The following LZTFL1 variants were observed in gnomAD, a reference collection of about 807,000 sequenced individuals.
The protein encoded by LZTFL1 is leucine zipper transcription factor-like protein 1.
In LZTFL1, 25 loss-of-function variants were observed where a neutral mutation model predicts 45.9. The ratio of observed to expected loss-of-function variants is 0.54; its 90% CI spans 0.40 to 0.76. The LOEUF is 0.76. LZTFL1 is among the 30% of genes least tolerant of loss of function. The pLI is 0.00. For missense variants in LZTFL1, 277 were observed against 331.1 expected (o/e 0.84, Z 1.27); for synonymous variants, 93 against 117.4 (o/e 0.79, Z 1.35).
intron 3 of LZTFL1, chr3:45,855,205 T>G: frequency 1.8e-6 from 1 of 564,696 alleles, no homozygotes; most frequent in Non-Finnish European, 3.2e-6. Flanking sequence ...ATCAAAAAGC[T>G]TATCCACCAC....
chr3:45,841,158 G>C (rs1460885307), intron 1 of LZTFL1, among the ~76,000 whole-genome samples: 3 of 152,208 alleles, frequency 2.0e-5, no homozygotes, highest in Admixed American at 2.0e-4. Flanking sequence ...GGAGCAATCT[G>C]TTTAGCTCAC....
intron 1 of LZTFL1, among the ~76,000 whole-genome samples, chr3:45,839,310 G>A (rs1235030155): frequency 3.9e-5 from 6 of 152,052 alleles, no homozygotes; most frequent in East Asian, 1.9e-4. Context: ...GGATGGTCTC[G>A]ATCTCCTGAC....
At chr3:45,875,894 C>T (rs916709006) in intron 2 of LZTFL1, among the ~76,000 whole-genome samples, 12 of 152,070 alleles carry the variant, frequency 7.9e-5, no homozygotes, top group Non-Finnish European at 1.3e-4. Context: ...CCAAGTGTCT[C>T]TTTAGAGGAT....
At chr3:45,877,406 G>A (rs1701765363) in intron 2 of LZTFL1, among the ~76,000 whole-genome samples, 1 of 151,824 alleles carries the variant, frequency 6.6e-6, no homozygotes, top group African/African-American at 2.4e-5. Context: ...GCTAATTTTT[G>A]CATTTTTAGT....
intron 2 of LZTFL1, among the ~76,000 whole-genome samples, chr3:45,868,187 A>ATG (rs1159232853): frequency 2.8e-5 from 3 of 108,374 alleles, no homozygotes; most frequent in African/African-American, 9.9e-5. Flanking sequence ...ATATATATAT[A>ATG]TATAAATTTT....
intron 2 of LZTFL1, among the ~76,000 whole-genome samples, chr3:45,868,996 C>T (rs1701625584): frequency 6.6e-6 from 1 of 152,146 alleles, no homozygotes; most frequent in African/African-American, 2.4e-5. Flanking sequence ...AATAAGATCC[C>T]CACTTTGAAG....
intron 2 of LZTFL1, among the ~76,000 whole-genome samples, chr3:45,910,268 G>A (rs557323702): frequency 7.9e-5 from 12 of 152,314 alleles, no homozygotes; most frequent in African/African-American, 2.6e-4. Context: ...TGGAGTGACG[G>A]TGGTGGTTGT....
intron 2 of LZTFL1, among the ~76,000 whole-genome samples, chr3:45,881,064 C>A (rs951302854): frequency 3.3e-5 from 5 of 152,156 alleles, no homozygotes; most frequent in African/African-American, 1.2e-4. Context: ...ATAGATGAGA[C>A]AAATAAAAAT....
upstream of LZTFL1, among the ~76,000 whole-genome samples, chr3:45,843,847 T>C (rs1316905326): frequency 6.6e-6 from 1 of 152,186 alleles, no homozygotes; most frequent in Non-Finnish European, 1.5e-5. Context: ...CTTCAGGTTG[T>C]TTACTAGTGC....
chr3:45,906,949 A>C (rs1430676495), intron 2 of LZTFL1, among the ~76,000 whole-genome samples: 1 of 152,158 alleles, frequency 6.6e-6, no homozygotes, highest in Non-Finnish European at 1.5e-5. Context: ...GCCTGGTACA[A>C]GATGTGGCTT....
chr3:45,862,916 C>G (rs1283354808), intron 2 of LZTFL1, among the ~76,000 whole-genome samples: 1 of 152,204 alleles, frequency 6.6e-6, no homozygotes. Flanking sequence ...CCTTTGTTCT[C>G]TAGGAAAGTA....
intron 2 of LZTFL1, among the ~76,000 whole-genome samples, chr3:45,893,359 T>C (rs942945670): frequency 2.2e-4 from 33 of 152,156 alleles, no homozygotes; most frequent in African/African-American, 8.0e-4. Context: ...TTCACCATGT[T>C]GGCCAGACTG....
Position 45,824,549 on chromosome 3 carries a change from C to G in LZTFL1, c.*1765G>C, listed in dbSNP as rs1559398692. 1.8e-5 allele frequency: 6 copies of G among 338,018 alleles called. No homozygotes were observed. In the East Asian group the frequency reaches 1.8e-4, roughly 10 times the overall value. The allele number at this position is 338,018 out of a possible 1,614,324, so 20.9% of individuals were successfully genotyped here. ...TTTATTATTAAACAATAGGAACGTA[C>G]TGTACAGAATATTTCAAAACTGCTA... On this transcript the variant is annotated 3_prime_UTR_variant, in exon 10 of 10. Transcript: ENST00000296135.
chr3:45,833,589 T>C (rs537977686), intron 4 of LZTFL1, among the ~76,000 whole-genome samples: 2 of 152,244 alleles, frequency 1.3e-5, no homozygotes, highest in East Asian at 1.9e-4. Context: ...ACAAATAATA[T>C]AGTAGTTTAG....
chr3:45,851,104 C>G (rs112101762), intron 4 of LZTFL1, among the ~76,000 whole-genome samples: 3,679 of 152,266 alleles, frequency 0.024, 160 homozygotes, highest in African/African-American at 0.082. Context: ...CTGTTCCACG[C>G]CTTGTTGAAA....
intron 2 of LZTFL1, among the ~76,000 whole-genome samples, chr3:45,836,912 A>G (rs895721992): frequency 6.6e-6 from 1 of 152,164 alleles, no homozygotes; most frequent in African/African-American, 2.4e-5. Flanking sequence ...AGTTTCAATG[A>G]CAGTATCACA....
At chr3:45,850,767 C>G (rs147753373) in intron 4 of LZTFL1, among the ~76,000 whole-genome samples, 2 of 152,124 alleles carry the variant, frequency 1.3e-5, no homozygotes, top group Non-Finnish European at 2.9e-5. Flanking sequence ...GTAGTCTGTG[C>G]GTCCTTCACA....
At chr3:45,882,114 A>C (rs755310089) in intron 2 of LZTFL1, among the ~76,000 whole-genome samples, 2 of 152,240 alleles carry the variant, frequency 1.3e-5, no homozygotes, top group Non-Finnish European at 2.9e-5. Flanking sequence ...TAGATCCTCA[A>C]GACTTATATC....
chr3:45,850,103 C>T (rs2125701122), intron 4 of LZTFL1, among the ~76,000 whole-genome samples: 1 of 152,228 alleles, frequency 6.6e-6, no homozygotes, highest in South Asian at 2.1e-4. Context: ...GAAAACTTTC[C>T]CCTTCAAAAT....
Sources: gnomAD v4.1 joint callset for allele counts (sites outside exome capture counted in the v4.1 genomes callset) on GRCh38, gnomAD v4.1.1 for gene constraint, MANE v1.5 for transcripts, NCBI Gene and HGNC (gene_info 2026-07-23, HGNC 2026-07-21) for gene names.